The following NEGR1 variants were observed in gnomAD, a reference collection of about 807,000 sequenced individuals.
NEGR1 encodes neuronal growth regulator 1.
In NEGR1, 10 loss-of-function variants were observed where a neutral mutation model predicts 40.9. That is an observed-to-expected ratio of 0.24 (90% CI 0.15 to 0.42). The LOEUF (loss-of-function observed/expected upper bound fraction) is 0.42. NEGR1 is among the 10% of genes least tolerant of loss of function. NEGR1 has a pLI of 1.00. For synonymous variants in NEGR1, 185 were observed against 166.8 expected (o/e 1.11, Z -0.84); for missense variants, 352 against 438.9 (o/e 0.80, Z 1.77).
intron 3 of NEGR1, among the ~76,000 whole-genome samples, chr1:71,767,412 C>A (rs1656169835): frequency 6.6e-6 from 1 of 152,118 alleles, no homozygotes; most frequent in African/African-American, 2.4e-5. Context: ...GAACTTTTAA[C>A]TTGAGAATGA....
intron 3 of NEGR1, among the ~76,000 whole-genome samples, chr1:71,750,025 C>T (rs1272488026): frequency 7.2e-6 from 1 of 139,466 alleles, no homozygotes; most frequent in African/African-American, 2.8e-5. Context: ...CTCGCTCTGT[C>T]GCCCAGGCCG....
chr1:71,423,403 C>T (rs1240710195), intron 6 of NEGR1, among the ~76,000 whole-genome samples: 1 of 151,808 alleles, frequency 6.6e-6, no homozygotes, highest in African/African-American at 2.4e-5. Context: ...AATTTCTTAT[C>T]TCAAGAAAAT....
intron 6 of NEGR1, among the ~76,000 whole-genome samples, chr1:71,535,139 C>CT (rs1647474726): frequency 6.6e-6 from 1 of 151,548 alleles, no homozygotes. Context: ...CATAAAATGG[C>CT]TTGAAAGGTA....
intron 2 of NEGR1, among the ~76,000 whole-genome samples, chr1:71,931,372 A>C (rs1645853947): frequency 6.6e-6 from 1 of 152,166 alleles, no homozygotes; most frequent in Admixed American, 6.6e-5. Flanking sequence ...GGAGAACTAA[A>C]AGTAGGAACC....
chr1:71,555,935 A>G (rs1648238154), intron 6 of NEGR1, among the ~76,000 whole-genome samples: 1 of 151,518 alleles, frequency 6.6e-6, no homozygotes, highest in Non-Finnish European at 1.5e-5. Flanking sequence ...TCTGTTTGGT[A>G]ATGCTATTAC....
chr1:71,684,531 ATATTATTTCATC>A (rs1652959055), intron 4 of NEGR1, among the ~76,000 whole-genome samples: 1 of 152,106 alleles, frequency 6.6e-6, no homozygotes, highest in South Asian at 2.1e-4. Flanking sequence ...TGCACATTCT[ATATTATTTCATC>A]TATAAATGTT....
At chr1:71,445,252 A>C (rs886938842) in intron 6 of NEGR1, among the ~76,000 whole-genome samples, 1 of 152,096 alleles carries the variant, frequency 6.6e-6, no homozygotes, top group Admixed American at 6.6e-5. Context: ...AAACTGCAAT[A>C]CATCAAGGAG....
chr1:72,113,624 G>C (rs982771936), intron 1 of NEGR1, among the ~76,000 whole-genome samples: 1 of 151,334 alleles, frequency 6.6e-6, no homozygotes, highest in Non-Finnish European at 1.5e-5. Flanking sequence ...AAGAGCACAA[G>C]GAAAGTGTGG....
At position 71,789,594 on chromosome 1, in the gene NEGR1, C is replaced by T. The variant is rs191003461; in HGVS notation, c.410-13297G>A. 2.1e-3 allele frequency among the ~76,000 whole-genome samples: 316 copies of T among 152,140 alleles called. 2 individuals are homozygous for T. Among genetic ancestry groups the T allele is most frequent in the African/African-American group, 6.5e-3 (272 of 41,528 alleles). The stretch of plus-strand genomic sequence containing the variant: ...AACATGCTTTAGCTTCTCTCAAGTA[C>T]TAAGTGTATAAAATATTTTCATATC... On this transcript the variant is annotated intron_variant, in intron 2 of 6. Coordinates refer to ENST00000357731, the MANE Select transcript of NEGR1 (RefSeq NM_173808.3).
rs1403749314 is a variant in NEGR1, at chr1:72,161,682, T to TTC, written c.176+120636_176+120637insGA. Among the ~76,000 whole-genome samples the TTC allele has an allele frequency of 6.2e-3, 837 of 135,566 alleles. 12 individuals are homozygous for TTC. The highest frequency in any genetic ancestry group is 0.022 in the African/African-American group (804 of 35,898). The allele number at this position is 135,566 out of a possible 152,430, so 88.9% of individuals were successfully genotyped here. ...ATTTTTTCTTTCTTTCTTTCTTTTT[T>TTC]TTTTTTTTTTTTTTTGAGATGTAGT... On this transcript the variant is annotated intron_variant, in intron 1 of 6. Coordinates refer to ENST00000357731, the MANE Select transcript of NEGR1 (RefSeq NM_173808.3).
intron 1 of NEGR1, among the ~76,000 whole-genome samples, chr1:71,951,665 C>G (rs868506045): frequency 6.6e-6 from 1 of 151,880 alleles, no homozygotes. Flanking sequence ...ACAATAATTA[C>G]CATGATAGAC....
chr1:72,032,698 C>A (rs1247755540), intron 1 of NEGR1, among the ~76,000 whole-genome samples: 1 of 152,096 alleles, frequency 6.6e-6, no homozygotes. Flanking sequence ...TTTAAAAAAT[C>A]ATCTTGCTTC....
At chr1:71,706,522 C>T (rs1432200836) in intron 3 of NEGR1, among the ~76,000 whole-genome samples, 2 of 147,390 alleles carry the variant, frequency 1.4e-5, no homozygotes, top group Non-Finnish European at 3.0e-5. Context: ...AGAATGCTGG[C>T]ATCCCCATTC....
At chr1:71,632,217 A>C (rs995050818) in intron 4 of NEGR1, among the ~76,000 whole-genome samples, 2 of 151,596 alleles carry the variant, frequency 1.3e-5, no homozygotes, top group Non-Finnish European at 3.0e-5. Context: ...CTCTTTCTTG[A>C]TGTGTGTGTA....
chr1:71,964,824 TAAA>T (rs35978891), intron 1 of NEGR1, among the ~76,000 whole-genome samples: 16 of 149,988 alleles, frequency 1.1e-4, no homozygotes, highest in African/African-American at 1.7e-4. Flanking sequence ...ATAATCACAT[TAAA>T]AAAAAAAATC....
intron 3 of NEGR1, among the ~76,000 whole-genome samples, chr1:71,761,281 C>T (rs547370393): frequency 6.7e-4 from 102 of 152,154 alleles, no homozygotes; most frequent in African/African-American, 2.2e-3. Context: ...AGAGTTAAAG[C>T]GGCCATAGAC....
At position 72,080,744 on chromosome 1, in the gene NEGR1, G is replaced by A. The variant is rs573349581; in HGVS notation, c.177-145433C>T. On this transcript the variant is annotated intron_variant, in intron 1 of 6. Coordinates refer to ENST00000357731, the MANE Select transcript of NEGR1 (RefSeq NM_173808.3). Reference sequence around the variant, plus strand: ...ATTATAAGAGAAACCACCTCATAGGGTTGTTGGAAGCTTTCAATGAGATGA... The same window carrying A: ...ATTATAAGAGAAACCACCTCATAGGATTGTTGGAAGCTTTCAATGAGATGA... Among the ~76,000 whole-genome samples the A allele has an allele frequency of 9.9e-5, 15 of 152,210 alleles. No individual in the cohort carries two copies. In the South Asian group the frequency reaches 2.5e-3, roughly 25 times the overall value.
At chr1:71,754,867 G>A (rs1229387938) in intron 3 of NEGR1, among the ~76,000 whole-genome samples, 2 of 152,076 alleles carry the variant, frequency 1.3e-5, no homozygotes, top group African/African-American at 4.8e-5. Flanking sequence ...CTGTCACACT[G>A]GAAACTCTTT....
intron 6 of NEGR1, among the ~76,000 whole-genome samples, chr1:71,434,865 G>A (rs1386766570): frequency 6.6e-6 from 1 of 152,198 alleles, no homozygotes; most frequent in Admixed American, 6.5e-5. Context: ...GCCAAGGCGG[G>A]CGGATCACGA....
Sources: gnomAD v4.1 joint callset for allele counts (sites outside exome capture counted in the v4.1 genomes callset) on GRCh38, gnomAD v4.1.1 for gene constraint, MANE v1.5 for transcripts, NCBI Gene and HGNC (gene_info 2026-07-23, HGNC 2026-07-21) for gene names.